Variants in BICD1 observed in about 807,000 individuals in gnomAD.
The protein encoded by BICD1 is BICD cargo adaptor 1, also known as protein bicaudal D homolog 1.
In BICD1, 35 loss-of-function variants were observed where a neutral mutation model predicts 92.5. The ratio of observed to expected loss-of-function variants is 0.38; its 90% CI spans 0.29 to 0.50. The LOEUF is 0.50. Ranked by LOEUF, BICD1 falls within the 20% of genes least tolerant of loss-of-function variation. The pLI is 0.93. For synonymous variants in BICD1, 429 were observed against 465.1 expected (o/e 0.92, Z 1.00); for missense variants, 950 against 1,189.8 (o/e 0.80, Z 2.97).
intron 1 of BICD1, among the ~76,000 whole-genome samples, chr12:32,213,290 T>C (rs1342417879): frequency 1.3e-5 from 2 of 152,224 alleles, no homozygotes; most frequent in East Asian, 3.8e-4. Context: ...TGTCCCCAGT[T>C]TGGGTTTGTC....
intron 1 of BICD1, among the ~76,000 whole-genome samples, chr12:32,196,400 G>A (rs984990212): frequency 2.0e-5 from 3 of 152,154 alleles, no homozygotes; most frequent in African/African-American, 7.2e-5. Context: ...GTCAGCCAAT[G>A]AATGAATAAA....
intron 4 of BICD1, among the ~76,000 whole-genome samples, chr12:32,321,551 C>T (rs1050470161): frequency 2.0e-5 from 3 of 152,144 alleles, no homozygotes; most frequent in Admixed American, 6.5e-5. Context: ...AATAAGACAA[C>T]TATTCTCAGT....
At position 32,380,019 on chromosome 12, in the gene BICD1, G is replaced by C. The variant is rs1425409060; in HGVS notation, c.*2392G>C. 6.6e-6 allele frequency: 1 copy of C among 152,140 alleles called. No homozygotes were observed. Among genetic ancestry groups the C allele is most frequent in the East Asian group, 1.9e-4 (1 of 5,202 alleles). 9.4% of individuals were successfully genotyped at this position (152,140 alleles called of 1,614,324 possible). ...TCTATTATAAACTAGTTTCATTTCA[G>C]TTATTTATCTTCATAGAGTGGGAAA... On this transcript the variant is annotated 3_prime_UTR_variant, in exon 10 of 10. Coordinates refer to ENST00000652176, the MANE Select transcript of BICD1 (RefSeq NM_001714.4).
chr12:32,374,996 G>A (rs1385904835), intron 9 of BICD1, among the ~76,000 whole-genome samples: 9 of 122,178 alleles, frequency 7.4e-5, no homozygotes, highest in African/African-American at 2.6e-4. Context: ...TCGGCTCACT[G>A]CAAGCTCCGC....
Position 32,107,023 on chromosome 12 carries a change from CA to C in BICD1, c.-308del, listed in dbSNP as rs1941493016. The C allele has an allele frequency of 3.1e-6, 1 of 323,146 alleles. No homozygotes were observed. Among genetic ancestry groups the C allele is most frequent in the Admixed American group, 4.7e-5 (1 of 21,190 alleles). 20.0% of individuals were successfully genotyped at this position (323,146 alleles called of 1,614,324 possible). A position where few individuals can be genotyped will look rare whatever the true frequency, so the allele number is the denominator to read the frequency against. On this transcript the variant is annotated 5_prime_UTR_variant, in exon 1 of 10. Coordinates refer to ENST00000652176, the MANE Select transcript of BICD1 (RefSeq NM_001714.4). The stretch of plus-strand genomic sequence containing the variant: ...AGCCCCTCGCTACCCGCGGCCGCCG[CA>C]GCCCGGGCCATGCCGCACGGCTGCT...
At chr12:32,295,358 C>T (rs1947839205) in intron 3 of BICD1, among the ~76,000 whole-genome samples, 2 of 152,154 alleles carry the variant, frequency 1.3e-5, no homozygotes, top group Non-Finnish European at 2.9e-5. Context: ...GGTGCTTCCT[C>T]AGCGACACCT....
intron 4 of BICD1, among the ~76,000 whole-genome samples, chr12:32,326,786 G>A (rs1157598409): frequency 6.6e-6 from 1 of 152,204 alleles, no homozygotes. Flanking sequence ...AGGACACTGA[G>A]GTGGAAGGAT....
At chr12:32,306,528 C>A (rs959962020) in intron 4 of BICD1, among the ~76,000 whole-genome samples, 2 of 151,840 alleles carry the variant, frequency 1.3e-5, no homozygotes, top group East Asian at 2.0e-4. Flanking sequence ...CAGGCGTGAG[C>A]CACCGCGCCC....
In BICD1 at chr12:32,357,012, C is replaced by CTTT. The variant is rs35643247; in HGVS notation, c.2765-10642_2765-10640dup. 6.1e-3 allele frequency among the ~76,000 whole-genome samples: 794 copies of CTTT among 129,510 alleles called. 15 individuals are homozygous for CTTT. Among genetic ancestry groups the CTTT allele is most frequent in the African/African-American group, 0.014 (487 of 34,512 alleles). The allele number at this position is 129,510 out of a possible 152,430, so 85.0% of individuals were successfully genotyped here. A position where few individuals can be genotyped will look rare whatever the true frequency, so the allele number is the denominator to read the frequency against. ...CTAAATTCGAATGCAGATTCTCCTG[C>CTTT]TTTTTTTTTTTTTTTTTTGATGGAG... On this transcript the variant is annotated intron_variant, in intron 8 of 9. Transcript: ENST00000652176.
intron 8 of BICD1, 138 bp downstream of exon 8, chr12:32,339,117 A>G: frequency 7.4e-7 from 1 of 1,346,008 alleles, no homozygotes; most frequent in Non-Finnish European, 9.4e-7. Flanking sequence ...TCAAGTAAAA[A>G]CTTCCTTACA....
intron 2 of BICD1, among the ~76,000 whole-genome samples, chr12:32,242,183 T>C (rs563718405): frequency 8.5e-5 from 10 of 117,766 alleles, no homozygotes; most frequent in African/African-American, 3.4e-4. Flanking sequence ...ATCACTGCGC[T>C]CCAGCCTAGG....
intron 1 of BICD1, among the ~76,000 whole-genome samples, chr12:32,131,975 T>C (rs948969566): frequency 2.0e-5 from 3 of 152,120 alleles, no homozygotes; most frequent in Non-Finnish European, 4.4e-5. Flanking sequence ...GGGTGGCTAT[T>C]TGAGAAATGA....
intron 4 of BICD1, among the ~76,000 whole-genome samples, chr12:32,319,165 A>G (rs1326915520): frequency 2.0e-5 from 3 of 152,064 alleles, no homozygotes; most frequent in Non-Finnish European, 4.4e-5. Flanking sequence ...CCTGGCTAGA[A>G]CTCTAGTACA....
intron 1 of BICD1, among the ~76,000 whole-genome samples, chr12:32,175,398 C>G (rs1426770956): frequency 6.6e-6 from 1 of 152,162 alleles, no homozygotes; most frequent in Non-Finnish European, 1.5e-5. Flanking sequence ...CTCACTGCAA[C>G]CTCTGCCTCC....
chr12:32,199,217 C>G (rs161971), intron 1 of BICD1, among the ~76,000 whole-genome samples: 151,660 of 152,370 alleles, frequency 1, 75,482 homozygotes, highest in Middle Eastern at 1. Context: ...ACATCACTTA[C>G]GATTGGGATT....
chr12:32,176,172 A>G (rs1393327621), intron 1 of BICD1, among the ~76,000 whole-genome samples: 1 of 152,162 alleles, frequency 6.6e-6, no homozygotes, highest in Admixed American at 6.5e-5. Flanking sequence ...GGTTATTATG[A>G]GTAATGCTCC....
intron 4 of BICD1, among the ~76,000 whole-genome samples, chr12:32,315,670 A>G (rs1228935211): frequency 6.6e-6 from 1 of 152,150 alleles, no homozygotes; most frequent in Non-Finnish European, 1.5e-5. Context: ...CAGAGTACAG[A>G]TGGTCCTTGA....
At chr12:32,367,850 T>C in intron 9 of BICD1, 105 bp downstream of exon 9, 1 of 1,046,642 alleles carries the variant, frequency 9.6e-7, no homozygotes, top group Non-Finnish European at 1.4e-6. Context: ...TGTATTTTGC[T>C]GTATTTTATT....
At chr12:32,187,727 G>T (rs1041272126) in intron 1 of BICD1, among the ~76,000 whole-genome samples, 1 of 152,116 alleles carries the variant, frequency 6.6e-6, no homozygotes, top group Non-Finnish European at 1.5e-5. Context: ...AGACACTGGG[G>T]ACTCCAAAAG....
Sources: gnomAD v4.1 joint callset for allele counts (sites outside exome capture counted in the v4.1 genomes callset) on GRCh38, gnomAD v4.1.1 for gene constraint, MANE v1.5 for transcripts, NCBI Gene and HGNC (gene_info 2026-07-23, HGNC 2026-07-21) for gene names.